The following TBL1Y variants were observed in gnomAD, a reference collection of about 807,000 sequenced individuals.
The protein encoded by TBL1Y is F-box-like/WD repeat-containing protein TBL1Y.
Under a neutral mutation model 12.0 loss-of-function variants are expected in TBL1Y, and 15 were observed. The ratio of observed to expected loss-of-function variants is 1.25; its 90% confidence interval spans 0.83 to 1.92. TBL1Y has a LOEUF of 1.92. Among genes scored for constraint, TBL1Y ranks in the 40% most tolerant of loss-of-function variants. The pLI is 0.00. For synonymous variants in TBL1Y, 53 were observed against 42.6 expected, an observed-to-expected ratio of 1.24 and a Z score of -0.95; for missense variants, 148 against 116.7, an observed-to-expected ratio of 1.27 and a Z score of -1.24.
At chrY:6,997,418 C>CA (rs2012418760) in intron 4 of TBL1Y, among the ~76,000 whole-genome samples, 72 of 26,798 alleles carry the variant, frequency 2.7e-3, no homozygotes, top group African/African-American at 9.0e-3. Context: ...ACGCGATCAC[C>CA]AAAAAAAAAA....
chrY:7,070,343 A>G lies in TBL1Y; in HGVS notation c.590+15A>G, dbSNP rs752313131. The G allele has an allele frequency of 1.0e-5, 4 of 394,579 alleles. No homozygotes were observed. The South Asian group carries it at 1.2e-4, about 12-fold the overall frequency. ...CTAGCCTCTGGGTAAGGAAGTCAGG[A>G]TGGGGGCACTCCAGGGTCAGGGAGA... On this transcript the variant is annotated intron_variant, in intron 9 of 18. Transcript: ENST00000383032.
At chrY:6,963,724 C>G (rs2012147942) in intron 2 of TBL1Y, among the ~76,000 whole-genome samples, 1 of 33,845 alleles carries the variant, frequency 3.0e-5, no homozygotes, top group African/African-American at 1.2e-4. Context: ...CATAAATCTA[C>G]TGCCGTGCTG....
intron 2 of TBL1Y, among the ~76,000 whole-genome samples, chrY:6,973,039 T>C (rs2012217087): frequency 3.1e-5 from 1 of 32,496 alleles, no homozygotes; most frequent in Non-Finnish European, 7.5e-5. Flanking sequence ...TGGATGTGCA[T>C]GTGAGTGTGT....
intron 4 of TBL1Y, among the ~76,000 whole-genome samples, chrY:7,006,481 A>G (rs757378832): frequency 5.9e-5 from 2 of 33,936 alleles, no homozygotes; most frequent in South Asian, 6.6e-4. Context: ...AAGGATTTAC[A>G]TGTTAGACCT....
At chrY:6,967,330 T>C in intron 2 of TBL1Y, among the ~76,000 whole-genome samples, 1 of 33,292 alleles carries the variant, frequency 3.0e-5, no homozygotes, top group African/African-American at 1.2e-4. Flanking sequence ...AAGACACATT[T>C]ACCCTACAGA....
At chrY:6,984,580 C>T in intron 3 of TBL1Y, among the ~76,000 whole-genome samples, 1 of 32,938 alleles carries the variant, frequency 3.0e-5, no homozygotes, top group Non-Finnish European at 7.4e-5. Context: ...GAGAGCATCA[C>T]CCCACATTTT....
chrY:7,089,982 A>G, intron 17 of TBL1Y, 107 bp from the exon 18 acceptor site: 1 of 189,696 alleles, frequency 5.3e-6, no homozygotes, highest in Admixed American at 9.5e-5. Flanking sequence ...ATGCTTGAAA[A>G]TGTTCATGAT....
intron 4 of TBL1Y, among the ~76,000 whole-genome samples, chrY:7,009,214 A>T: frequency 2.9e-5 from 1 of 34,137 alleles, no homozygotes; most frequent in African/African-American, 1.1e-4. Context: ...ATTCCTAATC[A>T]GCAGTTGTGG....
chrY:6,923,672 C>T (rs1024540703), intron 2 of TBL1Y, among the ~76,000 whole-genome samples: 2 of 32,516 alleles, frequency 6.2e-5, no homozygotes, highest in South Asian at 1.5e-3. Flanking sequence ...AGGCACCTGC[C>T]ACCATGCCTG....
chrY:6,928,683 A>T, intron 2 of TBL1Y, among the ~76,000 whole-genome samples: 1 of 33,993 alleles, frequency 2.9e-5, no homozygotes, highest in African/African-American at 1.2e-4. Context: ...AACTGCAGAA[A>T]GCCAAAGAGG....
intron 4 of TBL1Y, among the ~76,000 whole-genome samples, chrY:7,015,035 T>A: frequency 3.0e-5 from 1 of 33,453 alleles, no homozygotes; most frequent in Non-Finnish European, 7.4e-5. Context: ...TTTATAAGTC[T>A]TTACCGTCTT....
chrY:6,958,246 C>T, intron 2 of TBL1Y, among the ~76,000 whole-genome samples: 1 of 33,766 alleles, frequency 3.0e-5, no homozygotes, highest in African/African-American at 1.2e-4. Flanking sequence ...GGCAGGTGCA[C>T]AGACCCATAG....
At chrY:7,064,189 G>T (rs374698874) in intron 8 of TBL1Y, 40 bp downstream of exon 8, 11 of 393,784 alleles carry the variant, frequency 2.8e-5, no homozygotes, top group Admixed American at 7.4e-5. Context: ...GGCCTCTCTG[G>T]GTTCATTGTT....
intron 6 of TBL1Y, among the ~76,000 whole-genome samples, chrY:7,027,829 C>A (rs2012634582): frequency 3.0e-5 from 1 of 33,762 alleles, no homozygotes; most frequent in Non-Finnish European, 7.3e-5. Flanking sequence ...GTCATTCCTG[C>A]ACCCCACCAA....
chrY:7,062,588 C>G (rs2012880152), intron 7 of TBL1Y, among the ~76,000 whole-genome samples: 3 of 32,969 alleles, frequency 9.1e-5, no homozygotes, highest in African/African-American at 2.4e-4. Flanking sequence ...TATTTCCCTT[C>G]TTGATGGTTT....
chrY:6,988,530 C>T (rs892002433), intron 3 of TBL1Y, among the ~76,000 whole-genome samples: 3 of 30,703 alleles, frequency 9.8e-5, no homozygotes, highest in Non-Finnish European at 2.3e-4. Context: ...CGTGGAGGTG[C>T]GCGCCTGTAA....
At chrY:6,975,336 CA>C (rs2012231011) in intron 2 of TBL1Y, among the ~76,000 whole-genome samples, 1 of 33,567 alleles carries the variant, frequency 3.0e-5, no homozygotes, top group Non-Finnish European at 7.3e-5. Context: ...TGTCTGATTG[CA>C]AACTTTGGGT....
At chrY:7,043,788 T>C in intron 7 of TBL1Y, among the ~76,000 whole-genome samples, 1 of 33,258 alleles carries the variant, frequency 3.0e-5, no homozygotes, top group African/African-American at 1.2e-4. Context: ...CAGAGTGGAC[T>C]TTTGCCTTGC....
chrY:7,060,699 C>A, intron 7 of TBL1Y, among the ~76,000 whole-genome samples: 1 of 33,063 alleles, frequency 3.0e-5, no homozygotes, highest in African/African-American at 1.2e-4. Flanking sequence ...ATTGTTTAGT[C>A]CAAATTAACT....
Sources: gnomAD v4.1 joint callset for allele counts (sites outside exome capture counted in the v4.1 genomes callset) on GRCh38, gnomAD v4.1.1 for gene constraint, MANE v1.5 for transcripts, NCBI Gene and HGNC (gene_info 2026-07-23, HGNC 2026-07-21) for gene names.